Variants in PRMT3 observed in about 807,000 individuals in gnomAD.
PRMT3 encodes protein arginine N-methyltransferase 3.
PRMT3 carries 62 observed loss-of-function variants against 71.9 expected under a neutral mutation model. The observed-to-expected ratio is 0.86, with a 90% CI of 0.70 to 1.07. PRMT3 has a LOEUF of 1.07. Among genes scored for constraint, PRMT3 ranks in the 50% least tolerant of loss-of-function variants. The pLI is 0.00. For synonymous variants in PRMT3, 213 were observed against 220.4 expected (o/e 0.97, Z 0.30); for missense variants, 663 against 643.0 (o/e 1.03, Z -0.34).
In PRMT3 at chr11:20,387,890, T is replaced by A; in HGVS notation, c.28+116T>A. On this transcript the variant is annotated intron_variant, in intron 1 of 15. Transcript: ENST00000331079. The surrounding 1 kb of genome is among the most constrained non-coding windows in gnomAD (Gnocchi z 4.3). ...GGGCAGGGTGGGGGGCTCGCAGGGA[T>A]CATGAAGGAGGTGCTGAGTGAGGGC... is the stretch of plus-strand genomic sequence containing the variant. The A allele has an allele frequency of 6.5e-7, 1 of 1,544,746 alleles. No homozygotes were observed.
In PRMT3 at chr11:20,395,824, C is replaced by T. The variant is rs368509476; in HGVS notation, c.422C>T (p.Pro141Leu). ...LQFDVEDLYEPVSVPFSYPNG... is the reference protein window; with the variant it reads ...LQFDVEDLYELVSVPFSYPNG... Reference sequence around the variant, plus strand: ...TTAGATGTAGAAGATCTTTATGAACCGGTGTCAGTACCCTTCTCATACCCC... The same window carrying T: ...TTAGATGTAGAAGATCTTTATGAACTGGTGTCAGTACCCTTCTCATACCCC... Residue 141 changes from proline to leucine, a missense_variant, in exon 6 of 16, where the codon CCG (proline) becomes CTG (leucine). Transcript: ENST00000331079. 6.4e-5 allele frequency: 103 copies of T among 1,611,294 alleles called. No individual in the cohort carries two copies. The highest frequency in any genetic ancestry group is 2.7e-4 in the East Asian group (12 of 44,842).
At position 20,441,075 on chromosome 11, in the gene PRMT3, A is replaced by G. The variant is rs79456933; in HGVS notation, c.994-11055A>G. Among the ~76,000 whole-genome samples, 1,447 of 151,972 alleles carry G rather than the reference A, an allele frequency of 9.5e-3. 26 individuals are homozygous for G. Among genetic ancestry groups the G allele is most frequent in the African/African-American group, 0.034 (1,395 of 41,478 alleles). On this transcript the variant is annotated intron_variant, in intron 10 of 15. Transcript: ENST00000331079. The stretch of plus-strand genomic sequence containing the variant: ...TAACATCTGAATTACAGGTTGATAT[A>G]TTGTAATAATACACAGAAAATATCA...
At chr11:20,476,510 G>GTT (rs1850789753) in intron 13 of PRMT3, among the ~76,000 whole-genome samples, 1 of 152,162 alleles carries the variant, frequency 6.6e-6, no homozygotes, top group Non-Finnish European at 1.5e-5. Flanking sequence ...AGGAAAAATG[G>GTT]AGTTAATAAA....
Position 20,426,766 on chromosome 11 carries a change from A to G in PRMT3, c.894A>G (p.Arg298=), listed in dbSNP as rs969893121. 1 of 1,469,244 alleles carries G rather than the reference A, an allele frequency of 6.8e-7. No homozygotes were observed. Among genetic ancestry groups the G allele is most frequent in the African/African-American group, 1.5e-5 (1 of 67,508 alleles). 91.0% of individuals were successfully genotyped at this position (1,469,244 alleles called of 1,614,324 possible). The stretch of plus-strand genomic sequence containing the variant: ...TAATCTAATTCATTATAATTTTCAG[A>G]CTAAATAAACTTGAAGATACTATTA... ...EILYQAMDII[R]LNKLEDTITL... is the part of the protein sequence containing the mutation. Residue 298 remains arginine, a splice_region_variant and synonymous_variant, in exon 10 of 16, where the codon AGA becomes AGG. Transcript: ENST00000331079.
rs772006874 is a variant in PRMT3 at position 20,402,968 on chromosome 11, A to G, written c.755A>G (p.His252Arg). 25 of 1,601,482 alleles carry G rather than the reference A, an allele frequency of 1.6e-5. No homozygotes were observed. In the East Asian group the frequency reaches 3.8e-4, roughly 24 times the overall value. The change falls in exon 8 of 16, where the codon CAT (histidine) becomes CGT (arginine). Residue 252 changes from histidine to arginine, a missense_variant. Coordinates refer to ENST00000331079, the MANE Select transcript of PRMT3 (RefSeq NM_005788.4). ...CGAGATTTCATATACCAAAATCCAC[A>G]TATCTTCAAAGACAAGGTAAGTAGT... is the stretch of plus-strand genomic sequence containing the variant. ...SYRDFIYQNPHIFKDKVVLDV... is the reference protein window; with the variant it reads ...SYRDFIYQNPRIFKDKVVLDV...
intron 12 of PRMT3, 79 bp from the exon 13 acceptor site, chr11:20,464,368 ATGTTTGTCTGGGT>A: frequency 6.9e-7 from 1 of 1,440,290 alleles, no homozygotes; most frequent in Non-Finnish European, 9.1e-7. Flanking sequence ...AAAAGAAGTA[ATGTTTGTCTGGGT>A]TGTTTTTGTT....
chr11:20,396,639 G>T (rs1465983158), intron 6 of PRMT3, among the ~76,000 whole-genome samples: 1 of 151,062 alleles, frequency 6.6e-6, no homozygotes, highest in African/African-American at 2.5e-5. Flanking sequence ...CTTTGTCGGG[G>T]TGGGGTCGGT....
chr11:20,416,155 G>A (rs1849300036), intron 9 of PRMT3, among the ~76,000 whole-genome samples: 1 of 152,048 alleles, frequency 6.6e-6, no homozygotes, highest in Non-Finnish European at 1.5e-5. Context: ...TTTGTACTTT[G>A]TCTTTGCCTC....
chr11:20,489,234 T>G (rs982969654), intron 13 of PRMT3, among the ~76,000 whole-genome samples: 3 of 152,212 alleles, frequency 2.0e-5, no homozygotes, highest in African/African-American at 4.8e-5. Flanking sequence ...CTGACTGTGG[T>G]ATAATTCAGT....
chr11:20,396,042 A>G, intron 6 of PRMT3, 80 bp downstream of exon 6: 1 of 1,282,756 alleles, frequency 7.8e-7, no homozygotes. Flanking sequence ...AATATAGTAG[A>G]ACATTTCATA....
intron 13 of PRMT3, among the ~76,000 whole-genome samples, chr11:20,479,631 C>G (rs764221131): frequency 1.3e-5 from 2 of 152,118 alleles, no homozygotes; most frequent in African/African-American, 2.4e-5. Context: ...ATAGGTTTGT[C>G]AGAGGTTCTC....
At chr11:20,401,218 T>C (rs1590035765) in intron 7 of PRMT3, among the ~76,000 whole-genome samples, 1 of 152,294 alleles carries the variant, frequency 6.6e-6, no homozygotes, top group Admixed American at 6.5e-5. Flanking sequence ...TAGTGGGAGC[T>C]TTCTGAGTGA....
intron 11 of PRMT3, among the ~76,000 whole-genome samples, chr11:20,454,961 A>G (rs1184243476): frequency 1.3e-5 from 2 of 152,080 alleles, no homozygotes; most frequent in South Asian, 4.1e-4. Context: ...AGAGTTATAT[A>G]TTTACTATCT....
intron 11 of PRMT3, among the ~76,000 whole-genome samples, chr11:20,458,281 G>A (rs1001658839): frequency 2.6e-5 from 4 of 152,062 alleles, no homozygotes; most frequent in African/African-American, 9.7e-5. Context: ...AATTCCTAGT[G>A]TTTACTAGAA....
chr11:20,452,223 C>A lies in PRMT3; in HGVS notation c.1072+15C>A. On this transcript the variant is annotated intron_variant, in intron 11 of 15. Transcript: ENST00000331079. ...AGGAGGCTCGGGTGAGTATAAAATTCTGGTTTTAATAATCTAATTTTAGTC... is the reference window on the plus strand; with the variant it reads ...AGGAGGCTCGGGTGAGTATAAAATTATGGTTTTAATAATCTAATTTTAGTC... The A allele has an allele frequency of 1.3e-6, 2 of 1,575,568 alleles. No homozygotes were observed. Among genetic ancestry groups the A allele is most frequent in the Non-Finnish European group, 1.7e-6 (2 of 1,146,294 alleles).
At position 20,402,944 on chromosome 11, in the gene PRMT3, G is replaced by T. The variant is rs1469073396; in HGVS notation, c.731G>T (p.Arg244Leu). 1 of 1,608,886 alleles carries T rather than the reference G, an allele frequency of 6.2e-7. No individual in the cohort carries two copies. Among genetic ancestry groups the T allele is most frequent in the Non-Finnish European group, 8.5e-7 (1 of 1,175,472 alleles). The part of the protein sequence containing the change: ...LKDKIRTESY[R>L]DFIYQNPHIF... ...GACAAAATACGAACAGAAAGCTACC[G>T]AGATTTCATATACCAAAATCCACAT... The change falls in exon 8 of 16, where the codon CGA (arginine) becomes CTA (leucine). Residue 244 changes from arginine to leucine, a missense_variant. By Grantham distance (102) the Arg-to-Leu change is moderately radical. Transcript: ENST00000331079.
intron 6 of PRMT3, 35 bp downstream of exon 6, chr11:20,395,997 G>T (rs1213424628): frequency 4.4e-6 from 7 of 1,602,666 alleles, no homozygotes; most frequent in Non-Finnish European, 6.0e-6. Flanking sequence ...AATTGTTTTA[G>T]ATCTCCAGAA....
chr11:20,421,405 C>G (rs1350441619), intron 9 of PRMT3, among the ~76,000 whole-genome samples: 1 of 152,142 alleles, frequency 6.6e-6, no homozygotes, highest in Non-Finnish European at 1.5e-5. Context: ...ATGGAAAATT[C>G]ACCCTGGGGA....
chr11:20,499,570 T>G (rs1438282263), intron 15 of PRMT3, among the ~76,000 whole-genome samples: 1 of 152,200 alleles, frequency 6.6e-6, no homozygotes, highest in East Asian at 1.9e-4. Context: ...CAGGCTGTGG[T>G]GAGCTATGAT....
Sources: allele counts gnomAD v4.1 joint callset (sites outside exome capture counted in the v4.1 genomes callset), GRCh38; gene constraint gnomAD v4.1.1; non-coding constraint Gnocchi (gnomAD v3.1); transcripts MANE v1.5; gene names NCBI Gene and HGNC (gene_info 2026-07-23, HGNC 2026-07-21).